The following ATRNL1 variants were observed in gnomAD, a reference collection of about 807,000 sequenced individuals.
The protein encoded by ATRNL1 is attractin-like protein 1.
ATRNL1 carries 95 observed loss-of-function variants against 182.7 expected under a neutral mutation model. The observed-to-expected ratio is 0.52, with a 90% CI of 0.44 to 0.62. The LOEUF is 0.62. Ranked by LOEUF, ATRNL1 falls within the 20% of genes least tolerant of loss-of-function variation. The probability of loss-of-function intolerance (pLI) is 0.00; values close to 1 mark genes in which losing one functional copy is unlikely to be tolerated. For missense variants in ATRNL1, 1,471 were observed against 1,679.5 expected (o/e 0.88, Z 2.17); for synonymous variants, 576 against 568.3 (o/e 1.01, Z -0.19).
intron 27 of ATRNL1, among the ~76,000 whole-genome samples, chr10:115,839,450 C>G (rs1950752867): frequency 6.6e-6 from 1 of 152,144 alleles, no homozygotes; most frequent in Non-Finnish European, 1.5e-5. Context: ...CCTCTCTTGC[C>G]TCTTCTCATC....
intron 6 of ATRNL1, among the ~76,000 whole-genome samples, chr10:115,162,572 T>C (rs1554883513): frequency 6.6e-6 from 1 of 151,582 alleles, no homozygotes; most frequent in Non-Finnish European, 1.5e-5. Context: ...GTTTTGAGCA[T>C]GTGTTGATCC....
At chr10:115,575,384 C>G (rs1854640848) in intron 26 of ATRNL1, among the ~76,000 whole-genome samples, 1 of 151,982 alleles carries the variant, frequency 6.6e-6, no homozygotes, top group Non-Finnish European at 1.5e-5. Context: ...AGAACTCTGC[C>G]CTAACTAGGA....
intron 26 of ATRNL1, among the ~76,000 whole-genome samples, chr10:115,600,140 T>C (rs536150983): frequency 8.5e-5 from 13 of 152,328 alleles, no homozygotes; most frequent in African/African-American, 2.9e-4. Context: ...AATGTTGAGA[T>C]ATATCAGTAA....
chr10:115,448,831 G>T (rs1847141046), intron 21 of ATRNL1, among the ~76,000 whole-genome samples: 1 of 151,528 alleles, frequency 6.6e-6, no homozygotes, highest in African/African-American at 2.4e-5. Flanking sequence ...AATTACTTTT[G>T]CTCCAATGTA....
At chr10:115,133,956 A>G (rs1396651638) in intron 5 of ATRNL1, among the ~76,000 whole-genome samples, 1 of 152,146 alleles carries the variant, frequency 6.6e-6, no homozygotes, top group African/African-American at 2.4e-5. Flanking sequence ...TACTGGGTAC[A>G]TAACGAAATG....
chr10:115,571,017 C>G (rs1854358773), intron 26 of ATRNL1, among the ~76,000 whole-genome samples: 1 of 152,172 alleles, frequency 6.6e-6, no homozygotes. Context: ...CCGGCTGGGC[C>G]AGCTTCACTG....
At chr10:115,344,525 G>A (rs1855892651) in intron 19 of ATRNL1, among the ~76,000 whole-genome samples, 1 of 152,150 alleles carries the variant, frequency 6.6e-6, no homozygotes, top group Non-Finnish European at 1.5e-5. Context: ...ACCCTTTAGG[G>A]GAGTGGGCTC....
At chr10:115,910,166 G>C (rs1215213298) in intron 28 of ATRNL1, among the ~76,000 whole-genome samples, 1 of 152,118 alleles carries the variant, frequency 6.6e-6, no homozygotes, top group East Asian at 1.9e-4. Flanking sequence ...TCCTCCCCAA[G>C]TCACCTCCAT....
intron 3 of ATRNL1, among the ~76,000 whole-genome samples, chr10:115,125,517 G>A (rs1219697561): frequency 6.7e-6 from 1 of 149,912 alleles, no homozygotes; most frequent in Non-Finnish European, 1.5e-5. Flanking sequence ...TTTTTACTGT[G>A]TGCTGGACAA....
chr10:115,535,086 T>C (rs1300150979), intron 25 of ATRNL1, among the ~76,000 whole-genome samples: 1 of 150,714 alleles, frequency 6.6e-6, no homozygotes, highest in South Asian at 2.1e-4. Context: ...ATTATGTGTC[T>C]TGGAGTTGCT....
intron 14 of ATRNL1, among the ~76,000 whole-genome samples, chr10:115,285,642 G>T (rs782213328): frequency 6.6e-6 from 1 of 151,976 alleles, no homozygotes; most frequent in Non-Finnish European, 1.5e-5. Context: ...ATGAATAATT[G>T]TGTAAAAATA....
At chr10:115,941,909 G>A (rs782228912) in intron 28 of ATRNL1, among the ~76,000 whole-genome samples, 3 of 152,134 alleles carry the variant, frequency 2.0e-5, no homozygotes, top group Non-Finnish European at 2.9e-5. Context: ...AAGTTCCCAC[G>A]TGCTCTTCAA....
At chr10:115,582,667 T>G (rs1855202791) in intron 26 of ATRNL1, among the ~76,000 whole-genome samples, 1 of 146,036 alleles carries the variant, frequency 6.8e-6, no homozygotes, top group African/African-American at 2.5e-5. Context: ...ATGAGTAGGT[T>G]GTGAAAATTT....
intron 8 of ATRNL1, among the ~76,000 whole-genome samples, chr10:115,187,291 A>G (rs1161835718): frequency 6.6e-6 from 1 of 152,052 alleles, no homozygotes; most frequent in Non-Finnish European, 1.5e-5. Flanking sequence ...GAAGCTAATC[A>G]TGAAGCAATA....
intron 28 of ATRNL1, among the ~76,000 whole-genome samples, chr10:115,898,071 GCATGCAC>G (rs1555112930): frequency 6.6e-6 from 1 of 151,942 alleles, no homozygotes. Context: ...GGGACTATAG[GCATGCAC>G]CACCACGCCC....
At chr10:115,689,102 T>C (rs1946311224) in intron 26 of ATRNL1, among the ~76,000 whole-genome samples, 1 of 152,182 alleles carries the variant, frequency 6.6e-6, no homozygotes, top group South Asian at 2.1e-4. Context: ...TGAGGATCAG[T>C]TGGCTGTAAA....
intron 25 of ATRNL1, among the ~76,000 whole-genome samples, chr10:115,531,619 G>T (rs1851588020): frequency 6.6e-6 from 1 of 150,692 alleles, no homozygotes; most frequent in Non-Finnish European, 1.5e-5. Context: ...CTGTGCAGAA[G>T]CTCTTGAGTT....
intron 28 of ATRNL1, among the ~76,000 whole-genome samples, chr10:115,866,305 A>G (rs2134403751): frequency 6.6e-6 from 1 of 152,266 alleles, no homozygotes; most frequent in South Asian, 2.1e-4. Context: ...CATTCCTATT[A>G]TGACTTTTTC....
chr10:115,333,561 G>A (rs1855337256), intron 18 of ATRNL1, among the ~76,000 whole-genome samples: 1 of 147,508 alleles, frequency 6.8e-6, no homozygotes, highest in Admixed American at 6.9e-5. Context: ...TCGGCTCACT[G>A]CAACATCTCT....
Sources: gnomAD v4.1 joint callset for allele counts (sites outside exome capture counted in the v4.1 genomes callset) on GRCh38, gnomAD v4.1.1 for gene constraint, MANE v1.5 for transcripts, NCBI Gene and HGNC (gene_info 2026-07-23, HGNC 2026-07-21) for gene names.